The following HMCN1 variants were observed in gnomAD, a reference collection of about 807,000 sequenced individuals.
HMCN1 encodes the protein hemicentin-1.
HMCN1 carries 321 observed loss-of-function variants against 625.9 expected under a neutral mutation model. That is an observed-to-expected ratio of 0.51 (90% CI 0.47 to 0.56). The LOEUF (loss-of-function observed/expected upper bound fraction) is 0.56. Among genes scored for constraint, HMCN1 ranks in the 20% least tolerant of loss-of-function variants. The pLI, the probability that HMCN1 is intolerant of heterozygous loss-of-function variation, is 0.00. For synonymous variants in HMCN1, 2,425 were observed against 2,417.6 expected (o/e 1.00, Z -0.09); for missense variants, 6,588 against 6,887.3 (o/e 0.96, Z 1.54).
At position 185,805,917 on chromosome 1, in the gene HMCN1, T is replaced by G. The variant is rs142483592; in HGVS notation, c.269-40109T>G. On this transcript the variant is annotated intron_variant, in intron 1 of 106. Transcript: ENST00000271588. ...TGCCACATTCATGGTTAGGGCATGG[T>G]TCATTTTCCATTTATTTTTTTTACA... Among the ~76,000 whole-genome samples the G allele has an allele frequency of 3.4e-3, 525 of 152,248 alleles. 1 individual carries two copies. The highest frequency in any genetic ancestry group is 6.8e-3 in the Middle Eastern group (2 of 294).
rs922988 is a variant in HMCN1 at position 185,778,345 on chromosome 1, A to T, written c.268+43298A>T. 5.1e-3 allele frequency among the ~76,000 whole-genome samples: 712 copies of T among 139,480 alleles called. 24 individuals carry two copies. The highest frequency in any genetic ancestry group is 0.036 in the Admixed American group (503 of 14,054). 91.5% of individuals were successfully genotyped at this position (139,480 alleles called of 152,430 possible). A position where few individuals can be genotyped will look rare whatever the true frequency, so the allele number is the denominator to read the frequency against. ...AAAATTGTGTCTTATTTTCTCTTTC[A>T]TTTTTTTTTTTTTAATTATACTTTA... On this transcript the variant is annotated intron_variant, in intron 1 of 106. Transcript: ENST00000271588.
chr1:185,950,499 G>A (rs1668593166), intron 11 of HMCN1, among the ~76,000 whole-genome samples: 1 of 151,812 alleles, frequency 6.6e-6, no homozygotes, highest in Admixed American at 6.6e-5. Flanking sequence ...TGCCTAGGAG[G>A]GAAAGGAGTT....
rs1659630085 is a variant in HMCN1, at chr1:186,088,160, A to C, written c.9461A>C (p.Glu3154Ala). ...HLNVYVPPSI[E>A]GPEREVIVET... ...TTTTTTACAGTGCCACCCAGTATTG[A>C]AGGACCTGAAAGAGAAGTGATTGTG... Residue 3154 changes from glutamate to alanine, a missense_variant, in exon 62 of 107, where the codon GAA becomes GCA. Physicochemically the swap from Glu to Ala is moderately radical, Grantham distance 107. Coordinates refer to ENST00000271588, the MANE Select transcript of HMCN1 (RefSeq NM_031935.3). 1.9e-6 allele frequency: 3 copies of C among 1,609,654 alleles called. No homozygotes were observed. The highest frequency in any genetic ancestry group is 2.5e-6 in the Non-Finnish European group (3 of 1,177,472).
chr1:186,175,892 G>GAAAAAAAAAAAAAAAAAAAAAAAA (rs768255922), intron 103 of HMCN1, among the ~76,000 whole-genome samples: 2 of 135,080 alleles, frequency 1.5e-5, no homozygotes, highest in Non-Finnish European at 3.1e-5. Flanking sequence ...AAAAAAAAAA[G>GAAAAAAAAAAAAAAAAAAAAAAAA]AAAGAAAAGA....
intron 11 of HMCN1, among the ~76,000 whole-genome samples, chr1:185,950,975 G>A (rs1176156375): frequency 1.3e-5 from 2 of 150,562 alleles, no homozygotes. Flanking sequence ...GCTTTAAAAG[G>A]CCATGCTGTA....
chr1:185,999,598 T>C (rs896948614), intron 25 of HMCN1, among the ~76,000 whole-genome samples: 1 of 152,132 alleles, frequency 6.6e-6, no homozygotes, highest in Non-Finnish European at 1.5e-5. Context: ...TTATAAAACA[T>C]CGTGTCTCCA....
chr1:185,795,466 C>G (rs753175888), intron 1 of HMCN1, among the ~76,000 whole-genome samples: 1 of 152,132 alleles, frequency 6.6e-6, no homozygotes, highest in Non-Finnish European at 1.5e-5. Flanking sequence ...CTTCTAGTAA[C>G]ACATAAAATT....
At chr1:186,015,557 G>A in intron 31 of HMCN1, 120 bp downstream of exon 31, 1 of 953,600 alleles carries the variant, frequency 1.0e-6, no homozygotes, top group South Asian at 1.4e-5. Context: ...TGCATGGATA[G>A]GAATTGGAAG....
chr1:185,756,949 C>G (rs770085942), intron 1 of HMCN1, among the ~76,000 whole-genome samples: 4 of 151,884 alleles, frequency 2.6e-5, no homozygotes, highest in Non-Finnish European at 4.4e-5. Flanking sequence ...GTAAATTAGA[C>G]ACCTTTCAGC....
At chr1:186,081,778 T>A (rs1659183267) in intron 56 of HMCN1, among the ~76,000 whole-genome samples, 1 of 152,178 alleles carries the variant, frequency 6.6e-6, no homozygotes, top group African/African-American at 2.4e-5. Context: ...GGCAAAAGGT[T>A]GATAATAATA....
At chr1:185,844,828 T>C (rs941283233) in intron 1 of HMCN1, among the ~76,000 whole-genome samples, 1 of 152,202 alleles carries the variant, frequency 6.6e-6, no homozygotes, top group African/African-American at 2.4e-5. Flanking sequence ...TAAGAGTTGA[T>C]TTATTTTTTA....
At chr1:185,766,144 A>G (rs1490072204) in intron 1 of HMCN1, among the ~76,000 whole-genome samples, 1 of 152,198 alleles carries the variant, frequency 6.6e-6, no homozygotes, top group East Asian at 1.9e-4. Flanking sequence ...GCAAAGTTCT[A>G]TATCTGGAAA....
At chr1:186,127,969 T>C (rs1351736128) in intron 82 of HMCN1, 109 bp from the exon 83 acceptor site, 19 of 909,610 alleles carry the variant, frequency 2.1e-5, no homozygotes, top group South Asian at 1.3e-4. Context: ...AAATTTAAAT[T>C]GTCTTTGGAT....
chr1:186,102,435 G>A (rs926499203), intron 68 of HMCN1, among the ~76,000 whole-genome samples: 4 of 152,056 alleles, frequency 2.6e-5, no homozygotes, highest in African/African-American at 9.7e-5. Context: ...GTAGTAATAA[G>A]TTTTTTAAAA....
intron 1 of HMCN1, among the ~76,000 whole-genome samples, chr1:185,761,793 T>A (rs1655523038): frequency 6.6e-6 from 1 of 152,116 alleles, no homozygotes; most frequent in African/African-American, 2.4e-5. Context: ...CAAAACAGAA[T>A]TTTGGAACAA....
chr1:186,008,665 A>G (rs1405169163), intron 30 of HMCN1, among the ~76,000 whole-genome samples: 1 of 152,138 alleles, frequency 6.6e-6, no homozygotes, highest in Admixed American at 6.6e-5. Flanking sequence ...CAGTTTTCTC[A>G]GCCTTAAAAT....
chr1:186,081,270 A>G lies in HMCN1; in HGVS notation c.8663A>G (p.Lys2888Arg), dbSNP rs141564494. The G allele has an allele frequency of 3.7e-6, 6 of 1,613,672 alleles. No individual in the cohort carries two copies. The highest frequency in any genetic ancestry group is 3.3e-5 in the Admixed American group (2 of 59,982). The change falls in exon 56 of 107, where the codon AAG (lysine) becomes AGG (arginine). Residue 2888 changes from lysine to arginine, a missense_variant. By Grantham distance (26) the Lys-to-Arg change is conservative. This residue lies in a region of HMCN1 where 4,628 missense variants were observed against 4,853.1 expected (regional missense o/e 0.95). Transcript: ENST00000271588. ...GAAGAGGTCACCGTGCTGGTGAACAAGAGTGCACTGATAGAGTGTTTATCC... is the reference window on the plus strand; with the variant it reads ...GAAGAGGTCACCGTGCTGGTGAACAGGAGTGCACTGATAGAGTGTTTATCC... ...LPEEVTVLVN[K>R]SALIECLSSG...
intron 4 of HMCN1, among the ~76,000 whole-genome samples, chr1:185,904,689 A>G (rs1665998764): frequency 6.6e-6 from 1 of 151,876 alleles, no homozygotes; most frequent in South Asian, 2.1e-4. Context: ...TTTGGCATGT[A>G]TCACTCATTT....
intron 97 of HMCN1, among the ~76,000 whole-genome samples, chr1:186,163,710 A>G (rs1309688960): frequency 6.6e-6 from 1 of 152,234 alleles, no homozygotes; most frequent in Non-Finnish European, 1.5e-5. Flanking sequence ...TTAGATAATT[A>G]TAGATTTCTT....
Sources: allele counts gnomAD v4.1 joint callset (sites outside exome capture counted in the v4.1 genomes callset), GRCh38; gene constraint gnomAD v4.1.1; regional missense constraint gnomAD v4.1.1; transcripts MANE v1.5; gene names NCBI Gene and HGNC (gene_info 2026-07-23, HGNC 2026-07-21).